Variants in LOXL2 observed in about 807,000 individuals in gnomAD.
The protein encoded by LOXL2 is lysyl oxidase like 2.
A neutral mutation model predicts 93.0 loss-of-function variants in LOXL2; 70 were observed. The observed-to-expected ratio is 0.75, with a 90% CI of 0.62 to 0.92. The LOEUF is 0.92. Among genes scored for constraint, LOXL2 ranks in the 40% least tolerant of loss-of-function variants. The pLI is 0.00. For synonymous variants in LOXL2, 438 were observed against 413.2 expected, an observed-to-expected ratio of 1.06 and a Z score of -0.73; for missense variants, 973 against 1,054.9, an observed-to-expected ratio of 0.92 and a Z score of 1.08.
chr8:23,376,828 C>T (rs1332698281), intron 1 of LOXL2, among the ~76,000 whole-genome samples: 1 of 152,102 alleles, frequency 6.6e-6, no homozygotes, highest in Non-Finnish European at 1.5e-5. Context: ...ATTCTTCTCT[C>T]TTTTCTTCTT....
chr8:23,377,925 T>C (rs1017770770), intron 1 of LOXL2, among the ~76,000 whole-genome samples: 2 of 152,206 alleles, frequency 1.3e-5, no homozygotes, highest in African/African-American at 4.8e-5. Context: ...AATTGGAGCA[T>C]TTAGCCCATT....
chr8:23,355,309 A>T (rs879876651), intron 3 of LOXL2, among the ~76,000 whole-genome samples: 1 of 130,494 alleles, frequency 7.7e-6, no homozygotes, highest in Non-Finnish European at 1.8e-5. Flanking sequence ...GAAGAGAACC[A>T]TCTCCCCCCA....
At chr8:23,311,732 A>G (rs187273379) in intron 9 of LOXL2, among the ~76,000 whole-genome samples, 1 of 152,172 alleles carries the variant, frequency 6.6e-6, no homozygotes, top group Non-Finnish European at 1.5e-5. Flanking sequence ...GGTTCTCTGG[A>G]CAGAGCTGAG....
rs1268960515 is a variant in LOXL2, at chr8:23,368,193, C to A, written c.159G>T (p.Val53=). ...CAGCCAGGCGCAGCTGAATCTTGGC[C>A]ACGTTGGCGGGGGCCTGGGGCTGGT... is the stretch of plus-strand genomic sequence containing the variant. ...EYHQPQAPAN[V]AKIQLRLAGQ... Residue 53 remains valine (V), a synonymous_variant, in exon 2 of 14, where the codon GTG becomes GTT. Coordinates refer to ENST00000389131, the MANE Select transcript of LOXL2 (RefSeq NM_002318.3). 2 of 1,614,076 alleles carry A rather than the reference C, an allele frequency of 1.2e-6. No homozygotes were observed. The highest frequency in any genetic ancestry group is 1.7e-6 in the Non-Finnish European group (2 of 1,180,034).
intron 1 of LOXL2, among the ~76,000 whole-genome samples, chr8:23,380,169 C>T (rs76283822): frequency 0.048 from 7,309 of 152,122 alleles, 366 homozygotes; most frequent in African/African-American, 0.11. Flanking sequence ...ACAAGGCAGG[C>T]GGATCACGAG....
At chr8:23,368,818 G>A (rs1804454895) in intron 1 of LOXL2, among the ~76,000 whole-genome samples, 1 of 151,070 alleles carries the variant, frequency 6.6e-6, no homozygotes, top group Non-Finnish European at 1.5e-5. Context: ...GGAGCCTGCG[G>A]GGGTGAGAAC....
At chr8:23,384,976 A>G (rs1388717542) in intron 1 of LOXL2, among the ~76,000 whole-genome samples, 1 of 141,856 alleles carries the variant, frequency 7.0e-6, no homozygotes, top group Non-Finnish European at 1.6e-5. Flanking sequence ...AGTGAATTAG[A>G]AGGTGCAAAG....
At position 23,302,386 on chromosome 8, in the gene LOXL2, T is replaced by A. The variant is rs116100056; in HGVS notation, c.1997-223A>T. The stretch of plus-strand genomic sequence containing the variant: ...CCAGGCTCAAGTTCCCCTTCCTCCA[T>A]GAAGCCCTCCCTGACCACTCTGATC... On this transcript the variant is annotated intron_variant, in intron 11 of 13. Transcript: ENST00000389131. Among the ~76,000 whole-genome samples the A allele has an allele frequency of 8.6e-3, 1,317 of 152,300 alleles. 20 individuals are homozygous for A. Among genetic ancestry groups the A allele is most frequent in the African/African-American group, 0.03 (1,237 of 41,560 alleles).
intron 4 of LOXL2, among the ~76,000 whole-genome samples, chr8:23,339,124 C>T (rs996658966): frequency 2.0e-5 from 3 of 152,210 alleles, no homozygotes; most frequent in African/African-American, 2.4e-5. Flanking sequence ...CAGCACCTTT[C>T]TCTTTGGGAC....
In LOXL2 at chr8:23,376,223, T is replaced by A. The variant is rs187980666; in HGVS notation, c.-83-7789A>T. ...ATGTGGTTTTTGTCTTTGGTTCTGTTTAGATGCTGGATTACGTTTACTGAT... is the reference window on the plus strand; with the variant it reads ...ATGTGGTTTTTGTCTTTGGTTCTGTATAGATGCTGGATTACGTTTACTGAT... On this transcript the variant is annotated intron_variant, in intron 1 of 13. Transcript: ENST00000389131. Among the ~76,000 whole-genome samples the A allele has an allele frequency of 1.2e-3, 184 of 152,332 alleles. 2 individuals are homozygous for A. In the East Asian group the frequency reaches 0.018, roughly 15 times the overall value.
intron 9 of LOXL2, among the ~76,000 whole-genome samples, chr8:23,313,351 C>G (rs1174463693): frequency 6.6e-6 from 1 of 151,988 alleles, no homozygotes; most frequent in East Asian, 1.9e-4. Flanking sequence ...CAATCGTAAG[C>G]CAAAAGAACA....
chr8:23,318,197 A>C, intron 8 of LOXL2, among the ~76,000 whole-genome samples: 1 of 150,890 alleles, frequency 6.6e-6, no homozygotes. Context: ...AACCCAAAAA[A>C]CCTGAGGCCT....
chr8:23,373,199 C>T (rs1284780906), intron 1 of LOXL2, among the ~76,000 whole-genome samples: 2 of 152,152 alleles, frequency 1.3e-5, no homozygotes, highest in African/African-American at 4.8e-5. Context: ...TACCTCAGGC[C>T]CTGCTGGGAG....
intron 3 of LOXL2, among the ~76,000 whole-genome samples, chr8:23,352,358 C>T (rs1225660420): frequency 6.6e-6 from 1 of 152,158 alleles, no homozygotes; most frequent in Non-Finnish European, 1.5e-5. Flanking sequence ...AATGGGGCCT[C>T]TATTTAGGCA....
intron 3 of LOXL2, among the ~76,000 whole-genome samples, chr8:23,359,013 T>C (rs1804244876): frequency 6.6e-6 from 1 of 152,040 alleles, no homozygotes; most frequent in Non-Finnish European, 1.5e-5. Flanking sequence ...GGCTATTTTT[T>C]TTTCTTTTTT....
At chr8:23,358,403 CCA>C (rs1184630110) in intron 3 of LOXL2, among the ~76,000 whole-genome samples, 1 of 152,214 alleles carries the variant, frequency 6.6e-6, no homozygotes, top group Non-Finnish European at 1.5e-5. Context: ...ACAGTAAAGG[CCA>C]CAGTCTTGGG....
chr8:23,368,330 G>A lies in LOXL2; in HGVS notation c.22C>T (p.His8Tyr). 1.2e-6 allele frequency: 2 copies of A among 1,612,372 alleles called. No homozygotes were observed. The change falls in exon 2 of 14, where the codon CAC (histidine) becomes TAC (tyrosine). Residue 8 changes from histidine to tyrosine, a missense_variant. Physicochemically the swap from His to Tyr is moderately conservative, Grantham distance 83 (BLOSUM62 2). Transcript: ENST00000389131. Reference protein sequence around the residue: MERPLCSHLCSCLAMLAL... With the variant: MERPLCSYLCSCLAMLAL... ...AGCATAGCCAGGCAGCTGCAGAGGT[G>A]GGAGCACAGAGGCCTCTCCATCCCT...
intron 10 of LOXL2, among the ~76,000 whole-genome samples, chr8:23,309,444 A>G (rs767840291): frequency 1.3e-5 from 2 of 152,206 alleles, no homozygotes; most frequent in Non-Finnish European, 2.9e-5. Flanking sequence ...GAAGCATTGG[A>G]GGCAGGAAGA....
intron 12 of LOXL2, among the ~76,000 whole-genome samples, chr8:23,301,427 C>T (rs950712480): frequency 3.9e-5 from 6 of 152,156 alleles, no homozygotes; most frequent in African/African-American, 1.2e-4. Context: ...AAACAAATCT[C>T]GGCAACCCCT....
Sources: allele counts gnomAD v4.1 joint callset (sites outside exome capture counted in the v4.1 genomes callset), GRCh38; gene constraint gnomAD v4.1.1; transcripts MANE v1.5; gene names NCBI Gene and HGNC (gene_info 2026-07-23, HGNC 2026-07-21).